The following GRIN2A variants were observed in gnomAD, a reference collection of about 807,000 sequenced individuals.
GRIN2A encodes the protein glutamate receptor ionotropic, NMDA 2A.
A neutral mutation model predicts 113.4 loss-of-function variants in GRIN2A; 22 were observed. The ratio of observed to expected loss-of-function variants is 0.19; its 90% CI spans 0.14 to 0.28. The LOEUF is 0.28. Ranked by LOEUF, GRIN2A falls within the 10% of genes least tolerant of loss-of-function variation. The pLI is 1.00. For synonymous variants in GRIN2A, 827 were observed against 738.4 expected (o/e 1.12, Z -1.94); for missense variants, 1,502 against 1,887.0 (o/e 0.80, Z 3.78).
rs114182606 is a variant in GRIN2A, at chr16:10,156,071, C to G, written c.414+23927G>C. 3.4e-3 allele frequency among the ~76,000 whole-genome samples: 522 copies of G among 152,316 alleles called. 8 individuals are homozygous for G. Among genetic ancestry groups the G allele is most frequent in the African/African-American group, 0.011 (476 of 41,574 alleles). On this transcript the variant is annotated intron_variant, in intron 2 of 12. Coordinates refer to ENST00000330684, the MANE Select transcript of GRIN2A (RefSeq NM_001134407.3). ...CTGGACGATGAAAAGGGTGATCTAG[C>G]CCAGGGTCCAGGAAAACTGTCAGGC...
intron 2 of GRIN2A, among the ~76,000 whole-genome samples, chr16:9,972,185 A>T (rs2045686116): frequency 6.6e-6 from 1 of 152,222 alleles, no homozygotes; most frequent in Non-Finnish European, 1.5e-5. Context: ...ATTTAAACCC[A>T]ACAGGACTGA....
At chr16:10,051,028 G>C (rs1051537271) in intron 2 of GRIN2A, among the ~76,000 whole-genome samples, 2 of 152,178 alleles carry the variant, frequency 1.3e-5, no homozygotes, top group African/African-American at 4.8e-5. Flanking sequence ...TAAGACTCGA[G>C]AGCATGTCCC....
At chr16:9,830,480 CAA>C (rs71400501) in intron 8 of GRIN2A, among the ~76,000 whole-genome samples, 214 of 73,022 alleles carry the variant, frequency 2.9e-3, no homozygotes, top group Middle Eastern at 8.1e-3. Context: ...TCTGCATGGG[CAA>C]AAAAAAAAAA....
At chr16:9,994,633 A>G (rs2046188122) in intron 2 of GRIN2A, among the ~76,000 whole-genome samples, 1 of 152,220 alleles carries the variant, frequency 6.6e-6, no homozygotes, top group African/African-American at 2.4e-5. Context: ...CAAATAGAAG[A>G]GAAGACCATG....
intron 2 of GRIN2A, among the ~76,000 whole-genome samples, chr16:9,976,438 T>C (rs2045774722): frequency 6.6e-6 from 1 of 152,182 alleles, no homozygotes; most frequent in Non-Finnish European, 1.5e-5. Context: ...GATCCCGGTG[T>C]TCTGATCCTT....
intron 11 of GRIN2A, among the ~76,000 whole-genome samples, chr16:9,778,979 G>A (rs1901779004): frequency 6.6e-6 from 1 of 152,232 alleles, no homozygotes; most frequent in Admixed American, 6.5e-5. Context: ...ATCCTGGGCA[G>A]GGAGGGTGCA....
At chr16:9,986,696 C>A (rs553150116) in intron 2 of GRIN2A, among the ~76,000 whole-genome samples, 1 of 144,902 alleles carries the variant, frequency 6.9e-6, no homozygotes, top group Non-Finnish European at 1.5e-5. Flanking sequence ...ACTCAGGAGA[C>A]GGAGGTTGCA....
chr16:10,048,860 A>T (rs6416623), intron 2 of GRIN2A, among the ~76,000 whole-genome samples: 94,051 of 151,978 alleles, frequency 0.62, 30,139 homozygotes, highest in East Asian at 0.96. Context: ...ATGCTATTCT[A>T]CATGGCAGCT....
chr16:9,987,847 G>C (rs1189895568), intron 2 of GRIN2A, among the ~76,000 whole-genome samples: 1 of 152,124 alleles, frequency 6.6e-6, no homozygotes, highest in Non-Finnish European at 1.5e-5. Flanking sequence ...AATACATTTC[G>C]AGAGTTTACT....
At chr16:10,117,674 C>G (rs758187388) in intron 2 of GRIN2A, among the ~76,000 whole-genome samples, 90 of 152,248 alleles carry the variant, frequency 5.9e-4, no homozygotes, top group Non-Finnish European at 9.1e-4. Flanking sequence ...ACCATATGCT[C>G]CATCTCTGCA....
At position 9,757,230 on chromosome 16, in the gene GRIN2A, G is replaced by T; in HGVS notation, c.*5919C>A. ...TTCCTGTGCAAAAATGTAGGAGTGT[G>T]AGTGTGTTCACCTGGTTAGCAGCTC... On this transcript the variant is annotated 3_prime_UTR_variant, in exon 13 of 13. Coordinates refer to ENST00000330684, the MANE Select transcript of GRIN2A (RefSeq NM_001134407.3). 4.5e-6 allele frequency: 1 copy of T among 219,934 alleles called. No individual in the cohort carries two copies. Among genetic ancestry groups the T allele is most frequent in the Non-Finnish European group, 9.1e-6 (1 of 109,632 alleles). 13.6% of individuals were successfully genotyped at this position (219,934 alleles called of 1,614,324 possible).
In GRIN2A at chr16:10,062,792, G is replaced by A. The variant is rs369588618; in HGVS notation, c.414+117206C>T. Among the ~76,000 whole-genome samples, 34 of 152,152 alleles carry A rather than the reference G, an allele frequency of 2.2e-4. No homozygotes were observed. The East Asian group carries it at 6.4e-3, about 29-fold the overall frequency. On this transcript the variant is annotated intron_variant, in intron 2 of 12. Transcript: ENST00000330684. ...TGGTAGAAGAATTGCTTGAACCTGG[G>A]AGGCAGAGGTTGCTGTGAGCAGAGA...
chr16:10,054,718 C>T (rs1287090174), intron 2 of GRIN2A, among the ~76,000 whole-genome samples: 1 of 151,994 alleles, frequency 6.6e-6, no homozygotes, highest in Non-Finnish European at 1.5e-5. Flanking sequence ...CATTTATAAA[C>T]ACAGATAAAT....
chr16:9,937,715 A>AGATCTCGGT, intron 3 of GRIN2A: 4 of 536,866 alleles, frequency 7.5e-6, no homozygotes, highest in South Asian at 2.0e-5. Flanking sequence ...TCCCAGGTGT[A>AGATCTCGGT]GGTTTCCAAG....
chr16:9,957,599 G>A (rs1301592014), intron 2 of GRIN2A, among the ~76,000 whole-genome samples: 3 of 152,102 alleles, frequency 2.0e-5, no homozygotes, highest in Non-Finnish European at 2.9e-5. Flanking sequence ...TAAAACCTAA[G>A]AGGCAGCTTC....
intron 2 of GRIN2A, among the ~76,000 whole-genome samples, chr16:10,047,609 C>T (rs1470360411): frequency 6.6e-6 from 1 of 152,190 alleles, no homozygotes; most frequent in Non-Finnish European, 1.5e-5. Context: ...GATCTTCTTA[C>T]CATTTCTGCA....
At chr16:9,853,619 G>A (rs1428102338) in intron 4 of GRIN2A, among the ~76,000 whole-genome samples, 2 of 152,142 alleles carry the variant, frequency 1.3e-5, no homozygotes, top group Admixed American at 1.3e-4. Flanking sequence ...TGGACTAAGA[G>A]TCAATCAAGT....
intron 2 of GRIN2A, among the ~76,000 whole-genome samples, chr16:10,028,120 C>T (rs902241809): frequency 7.2e-5 from 11 of 152,236 alleles, no homozygotes; most frequent in Non-Finnish European, 1.2e-4. Context: ...ATATGCCCCA[C>T]GCCAGGTCTG....
chr16:9,829,401 G>C, intron 9 of GRIN2A, 22 bp downstream of exon 9: 1 of 1,512,856 alleles, frequency 6.6e-7, no homozygotes, highest in Non-Finnish European at 9.2e-7. Flanking sequence ...CTCAGATGGA[G>C]AGGAAAGCAA....
Sources: allele counts gnomAD v4.1 joint callset (sites outside exome capture counted in the v4.1 genomes callset), GRCh38; gene constraint gnomAD v4.1.1; transcripts MANE v1.5; gene names NCBI Gene and HGNC (gene_info 2026-07-23, HGNC 2026-07-21).